The following SUGP2 variants were observed in gnomAD, a reference collection of about 807,000 sequenced individuals.
SUGP2 encodes SURP and G-patch domain-containing protein 2.
Under a neutral mutation model 90.5 loss-of-function variants are expected in SUGP2, and 24 were observed. That is an observed-to-expected ratio of 0.27 (90% CI 0.19 to 0.37). The LOEUF (loss-of-function observed/expected upper bound fraction) is 0.37, where lower values mean the gene tolerates loss of function less well. SUGP2 is among the 10% of genes least tolerant of loss of function. The pLI is 1.00. For missense variants in SUGP2, 1,233 were observed against 1,363.3 expected (o/e 0.90, Z 1.51); for synonymous variants, 473 against 513.4 (o/e 0.92, Z 1.06).
chr19:19,002,533 GAC>G (rs369958478), intron 7 of SUGP2, among the ~76,000 whole-genome samples: 2 of 79,728 alleles, frequency 2.5e-5, no homozygotes, highest in African/African-American at 1.0e-4. Context: ...TTTTTTTTGA[GAC>G]ACAGTTTCGC....
intron 3 of SUGP2, among the ~76,000 whole-genome samples, chr19:19,019,591 T>C (rs1243704260): frequency 2.6e-5 from 4 of 152,154 alleles, no homozygotes; most frequent in Non-Finnish European, 5.9e-5. Context: ...AAATATCTAG[T>C]ATAAAATATA....
intron 2 of SUGP2, among the ~76,000 whole-genome samples, chr19:19,029,619 TTG>T (rs1010200172): frequency 1.0e-4 from 15 of 148,692 alleles, no homozygotes; most frequent in African/African-American, 3.8e-4. Flanking sequence ...TTTTTTTTTT[TTG>T]ATTTTTAGTA....
rs2057496062 is a variant in SUGP2 at position 18,994,546 on chromosome 19, A to G, written c.3129-60T>C. 2.5e-6 allele frequency: 4 copies of G among 1,597,138 alleles called. No individual in the cohort carries two copies. In the South Asian group the frequency reaches 4.5e-5, roughly 18 times the overall value. On this transcript the variant is annotated intron_variant, in intron 9 of 10. Coordinates refer to ENST00000452918, the MANE Select transcript of SUGP2 (RefSeq NM_001017392.5). ...GAGCCCAGGGCCTGGCATGCCAGGA[A>G]CTGGGCATGGGCACAAACAGTCCAT... is the stretch of plus-strand genomic sequence containing the variant.
At chr19:19,001,508 T>C in intron 8 of SUGP2, 105 bp downstream of exon 8, 1 of 1,192,942 alleles carries the variant, frequency 8.4e-7, no homozygotes, top group Non-Finnish European at 1.2e-6. Context: ...ATACCTCAGT[T>C]TGAAATGTTA....
At chr19:19,030,873 G>T in intron 2 of SUGP2, 78 bp downstream of exon 2, 3 of 1,460,718 alleles carry the variant, frequency 2.1e-6, no homozygotes, top group African/African-American at 1.4e-5. Flanking sequence ...TTTGCCCAAG[G>T]TATTGTAATC....
upstream of SUGP2, chr19:19,033,653 G>T: frequency 2.2e-6 from 2 of 894,644 alleles, no homozygotes; most frequent in South Asian, 5.6e-5. Flanking sequence ...CTGGGCGGAC[G>T]CTCTGGAGGC....
At chr19:19,007,978 C>T (rs1432884292) in intron 6 of SUGP2, among the ~76,000 whole-genome samples, 2 of 151,990 alleles carry the variant, frequency 1.3e-5, no homozygotes, top group Admixed American at 1.3e-4. Context: ...AGGCTGGTCT[C>T]GAACTCCTGA....
At chr19:18,998,572 G>A (rs1018545242) in intron 8 of SUGP2, among the ~76,000 whole-genome samples, 2 of 151,780 alleles carry the variant, frequency 1.3e-5, no homozygotes, top group African/African-American at 2.4e-5. Flanking sequence ...ATTATATAAA[G>A]TAGCTGTGTG....
intron 6 of SUGP2, among the ~76,000 whole-genome samples, chr19:19,006,810 C>T (rs1254518112): frequency 1.3e-5 from 2 of 152,132 alleles, no homozygotes; most frequent in Non-Finnish European, 2.9e-5. Context: ...TGGTCAGTGC[C>T]CCACAAGGCA....
chr19:18,998,591 CATGT>C (rs2057704246), intron 8 of SUGP2, among the ~76,000 whole-genome samples: 2 of 151,104 alleles, frequency 1.3e-5, no homozygotes, highest in African/African-American at 4.9e-5. Context: ...TGTGTGTATG[CATGT>C]GTGTGTGCGT....
chr19:19,010,390 G>C (rs774245113), intron 4 of SUGP2, 48 bp from the exon 5 acceptor site: 26 of 1,581,758 alleles, frequency 1.6e-5, no homozygotes, highest in Non-Finnish European at 2.2e-5. Flanking sequence ...AACACCACCA[G>C]GTCCCAAATT....
chr19:19,021,064 C>T (rs1212326671), intron 3 of SUGP2, among the ~76,000 whole-genome samples: 1 of 140,582 alleles, frequency 7.1e-6, no homozygotes, highest in Non-Finnish European at 1.5e-5. Flanking sequence ...GAGGCTGAGG[C>T]AGGAGAATCG....
intron 1 of SUGP2, 160 bp from the exon 2 acceptor site, chr19:19,031,242 A>G (rs2059138405): frequency 1.4e-6 from 1 of 715,002 alleles, no homozygotes; most frequent in African/African-American, 1.8e-5. Context: ...ACTAAAATAC[A>G]AAAAATTCAG....
chr19:19,004,161 C>A lies in SUGP2; in HGVS notation c.2929+7G>T, dbSNP rs746716854. 34 of 1,540,864 alleles carry A rather than the reference C, an allele frequency of 2.2e-5. No homozygotes were observed. The highest frequency in any genetic ancestry group is 2.9e-5 in the Non-Finnish European group (33 of 1,141,570). On this transcript the variant is annotated splice_region_variant and intron_variant, in intron 7 of 10. Coordinates refer to ENST00000452918, the MANE Select transcript of SUGP2 (RefSeq NM_001017392.5). ...AGAGGCAACTGTGCCGACAGGCGGG[C>A]ACTCACCTTTTGGCTCCTGGATGAG...
rs2058712528 is a variant in SUGP2, at chr19:19,021,167, A to AAG, written c.1730-1939_1730-1938insCT. On this transcript the variant is annotated intron_variant, in intron 3 of 10. Coordinates refer to ENST00000452918, the MANE Select transcript of SUGP2 (RefSeq NM_001017392.5). Reference sequence around the variant, plus strand: ...AGAGCAAAATTCCATCTCAAAAAAAAAAAAAAAAAAAAAGCAAAGAATGGT... The same window carrying AAG: ...AGAGCAAAATTCCATCTCAAAAAAAAAGAAAAAAAAAAAAAGCAAAGAATGGT... Among the ~76,000 whole-genome samples the AAG allele has an allele frequency of 2.0e-5, 3 of 151,380 alleles. No homozygotes were observed. The South Asian group carries it at 6.3e-4, about 32-fold the overall frequency.
In SUGP2 at chr19:18,991,135, G is replaced by C. The variant is rs2057343200; in HGVS notation, c.*2606C>G. On this transcript the variant is annotated 3_prime_UTR_variant, in exon 11 of 11. Transcript: ENST00000452918. ...CTTCCAGATGCCTGTTGTCCTCTCG[G>C]GGGTGACCCTGGAACTAGAACGACA... 6.6e-6 allele frequency: 1 copy of C among 152,154 alleles called. No individual in the cohort carries two copies. The highest frequency in any genetic ancestry group is 1.9e-4 in the East Asian group (1 of 5,186). The allele number at this position is 152,154 out of a possible 1,614,324, so 9.4% of individuals were successfully genotyped here.
At chr19:19,007,048 G>A (rs2058102733) in intron 6 of SUGP2, among the ~76,000 whole-genome samples, 1 of 152,224 alleles carries the variant, frequency 6.6e-6, no homozygotes, top group Non-Finnish European at 1.5e-5. Context: ...CCCTCAGTAG[G>A]GTTCTGGCTC....
At chr19:19,033,611 G>A, upstream of SUGP2, 1 of 1,171,912 alleles carries the variant, frequency 8.5e-7, no homozygotes, top group Non-Finnish European at 1.1e-6. Flanking sequence ...CCGCGGCCCG[G>A]CTCTCTTGCG....
In SUGP2 at chr19:19,004,232, G is replaced by A. The variant is rs1273395104; in HGVS notation, c.2865C>T (p.Ser955=). ...GAATCATGCCAACCTTCAATGACTT[G>A]CTGCTGATCCTCTTCCGAGGGAAGC... ...GTCFPRKRIS[S]KSLKVGMIPA... The change falls in exon 7 of 11, where the codon AGC becomes AGT. Residue 955 remains serine (S), a synonymous_variant. Coordinates refer to ENST00000452918, the MANE Select transcript of SUGP2 (RefSeq NM_001017392.5). 4 of 1,606,996 alleles carry A rather than the reference G, an allele frequency of 2.5e-6. No homozygotes were observed. Among genetic ancestry groups the A allele is most frequent in the Non-Finnish European group, 3.4e-6 (4 of 1,175,704 alleles).
Sources: allele counts gnomAD v4.1 joint callset (sites outside exome capture counted in the v4.1 genomes callset), GRCh38; gene constraint gnomAD v4.1.1; transcripts MANE v1.5; gene names NCBI Gene and HGNC (gene_info 2026-07-23, HGNC 2026-07-21).